MGST1: variants seen among roughly 807,000 people sequenced by gnomAD.
MGST1 encodes the protein glutathione S-transferase 12.
Under a neutral mutation model 8.9 loss-of-function variants are expected in MGST1, and 5 were observed. The ratio of observed to expected loss-of-function variants is 0.56; its 90% CI spans 0.29 to 1.19. The LOEUF is 1.19. MGST1 is among the 50% of genes most tolerant of loss of function. The probability of loss-of-function intolerance (pLI) is 0.08; values close to 1 mark genes in which losing one functional copy is unlikely to be tolerated. For missense variants in MGST1, 182 were observed against 187.4 expected (o/e 0.97, Z 0.17); for synonymous variants, 54 against 67.8 (o/e 0.80, Z 1.00).
chr12:16,589,740 C>T (rs1943432245), downstream of MGST1, among the ~76,000 whole-genome samples: 1 of 152,094 alleles, frequency 6.6e-6, no homozygotes, highest in East Asian at 1.9e-4. This position sits in a 1 kb window ranked among gnomAD's most constrained non-coding sequence, Gnocchi z 4.2. Context: ...CCTTGGAAGA[C>T]GAGGATCACC....
At chr12:16,566,003 T>C (rs1406578073) in intron 4 of MGST1, among the ~76,000 whole-genome samples, 2 of 52,342 alleles carry the variant, frequency 3.8e-5, no homozygotes, top group Non-Finnish European at 7.0e-5. Flanking sequence ...TATATATATA[T>C]ATATATATAT....
intron 4 of MGST1, among the ~76,000 whole-genome samples, chr12:16,502,034 T>G (rs1941508480): frequency 6.6e-6 from 1 of 152,148 alleles, no homozygotes; most frequent in South Asian, 2.1e-4. Context: ...TGAGAAGCAA[T>G]GTCTACAGCT....
intron 4 of MGST1, among the ~76,000 whole-genome samples, chr12:16,477,924 C>G (rs899305227): frequency 3.3e-5 from 5 of 152,220 alleles, no homozygotes; most frequent in African/African-American, 1.2e-4. Context: ...AAAGGGTTCA[C>G]AGTGCAGCGT....
chr12:16,570,820 G>A (rs1942789506), intron 4 of MGST1, among the ~76,000 whole-genome samples: 1 of 152,098 alleles, frequency 6.6e-6, no homozygotes, highest in South Asian at 2.1e-4. Flanking sequence ...CCTTGAATAG[G>A]TAAGGTATTA....
intron 4 of MGST1, among the ~76,000 whole-genome samples, chr12:16,488,700 CAAAAT>C (rs995293001): frequency 2.6e-5 from 4 of 151,782 alleles, no homozygotes; most frequent in African/African-American, 7.3e-5. Flanking sequence ...TATGTAATTT[CAAAAT>C]AAAATAAAAT....
chr12:16,362,098 C>T lies in MGST1; in HGVS notation c.222-1697C>T, dbSNP rs1031292355. On this transcript the variant is annotated intron_variant, in intron 3 of 3. Coordinates refer to ENST00000396210, the MANE Select transcript of MGST1 (RefSeq NM_020300.5). The surrounding 1 kb of genome is among the most constrained non-coding windows in gnomAD (Gnocchi z 4.4). ...GGCATGTTGTGAAGGAGAACACTAA[C>T]GTGCCTAAGATTGGAGGTGACGATA... Among the ~76,000 whole-genome samples, 10 of 152,170 alleles carry T rather than the reference C, an allele frequency of 6.6e-5. No homozygotes were observed. Among genetic ancestry groups the T allele is most frequent in the African/African-American group, 1.7e-4 (7 of 41,446 alleles).
chr12:16,452,403 A>AG, intron 4 of MGST1, among the ~76,000 whole-genome samples: 1 of 151,374 alleles, frequency 6.6e-6, no homozygotes, highest in Non-Finnish European at 1.5e-5. Flanking sequence ...AAGTGGCCAA[A>AG]AAAAAAAAAA....
intron 4 of MGST1, chr12:16,550,091 C>A (rs1007063263): frequency 6.6e-6 from 1 of 152,000 alleles, no homozygotes; most frequent in Non-Finnish European, 1.5e-5. Flanking sequence ...TTCTCTTCTT[C>A]TAGAAGATTC....
At chr12:16,406,095 C>T (rs761099125) in intron 1 of MGST1, among the ~76,000 whole-genome samples, 6 of 152,054 alleles carry the variant, frequency 3.9e-5, no homozygotes, top group Admixed American at 6.6e-5. Flanking sequence ...AAAGGGCATC[C>T]TAATAGAAAG....
intron 4 of MGST1, among the ~76,000 whole-genome samples, chr12:16,578,739 A>G (rs1200076547): frequency 6.6e-6 from 1 of 151,872 alleles, no homozygotes; most frequent in Non-Finnish European, 1.5e-5. Flanking sequence ...AATTCCTTGA[A>G]CCTGGGAGGC....
rs1943361819 is a variant in MGST1 at position 16,587,623 on chromosome 12, T to A, written n.483-1905T>A. On this transcript the variant is annotated intron_variant and non_coding_transcript_variant, in intron 4 of 4. Coordinates refer to the MGST1 transcript ENST00000538857. This position sits in a 1 kb window ranked among gnomAD's most constrained non-coding sequence, Gnocchi z 4.3. ...TATTTCTGTCAGTGTATCATTTTTT[T>A]AAGCAATGGACCCTATAATAGCAAG... 1.3e-5 allele frequency among the ~76,000 whole-genome samples: 2 copies of A among 152,146 alleles called. 1 individual carries two copies. Among genetic ancestry groups the A allele is most frequent in the South Asian group, 4.1e-4 (2 of 4,824 alleles).
Position 16,401,703 on chromosome 12 carries a change from T to C in MGST1, n.778+18099T>C, listed in dbSNP as rs1940656620. ...CTGAATGATAGGAGGGTAACACATTTCCACAGTAGAAGGGTCTGCCCCAGC... is the reference window on the plus strand; with the variant it reads ...CTGAATGATAGGAGGGTAACACATTCCCACAGTAGAAGGGTCTGCCCCAGC... On this transcript the variant is annotated intron_variant and non_coding_transcript_variant, in intron 1 of 1. Transcript: ENST00000359720. The surrounding 1 kb of genome is among the most constrained non-coding windows in gnomAD (Gnocchi z 4.3). 6 of 1,603,508 alleles carry C rather than the reference T, an allele frequency of 3.7e-6. No individual in the cohort carries two copies. In the South Asian group the frequency reaches 5.5e-5, roughly 15 times the overall value.
At chr12:16,539,035 C>G (rs1941776622) in intron 4 of MGST1, among the ~76,000 whole-genome samples, 1 of 152,124 alleles carries the variant, frequency 6.6e-6, no homozygotes, top group Non-Finnish European at 1.5e-5. Context: ...GGGAAACCAC[C>G]CCCATGATTC....
At position 16,585,099 on chromosome 12, in the gene MGST1, G is replaced by A. The variant is rs949023140; in HGVS notation, n.483-4429G>A. ...AATCAGCAACATTAGGCCCACATTC[G>A]TACAGTGTGCTGGAATTAAGTCATG... On this transcript the variant is annotated intron_variant and non_coding_transcript_variant, in intron 4 of 4. Transcript: ENST00000538857. This position sits in a 1 kb window ranked among gnomAD's most constrained non-coding sequence, Gnocchi z 4.7. Among the ~76,000 whole-genome samples the A allele has an allele frequency of 2.0e-5, 3 of 152,098 alleles. No individual in the cohort carries two copies. Among genetic ancestry groups the A allele is most frequent in the South Asian group, 4.1e-4 (2 of 4,828 alleles).
intron 4 of MGST1, among the ~76,000 whole-genome samples, chr12:16,571,750 A>G (rs1376890732): frequency 6.6e-6 from 1 of 152,064 alleles, no homozygotes; most frequent in Non-Finnish European, 1.5e-5. Flanking sequence ...TAATTATAAA[A>G]TTCTGTGATT....
At chr12:16,526,076 T>G (rs1941684461) in intron 4 of MGST1, among the ~76,000 whole-genome samples, 1 of 145,710 alleles carries the variant, frequency 6.9e-6, no homozygotes, top group Non-Finnish European at 1.5e-5. Context: ...TGTGAAAATT[T>G]TCTCCCATTT....
chr12:16,585,683 C>CTAAT lies in MGST1; in HGVS notation n.483-3844_483-3841dup, dbSNP rs1250325944. Among the ~76,000 whole-genome samples, 1 of 152,090 alleles carries CTAAT rather than the reference C, an allele frequency of 6.6e-6. No homozygotes were observed. Among genetic ancestry groups the CTAAT allele is most frequent in the Non-Finnish European group, 1.5e-5 (1 of 68,038 alleles). ...TGATTTCATTTGAATGATGTCAAAA[C>CTAAT]TAATCCTCAGGTGATGTAAGCAGCT... On this transcript the variant is annotated intron_variant and non_coding_transcript_variant, in intron 4 of 4. Coordinates refer to the MGST1 transcript ENST00000538857. The surrounding 1 kb of genome is among the most constrained non-coding windows in gnomAD (Gnocchi z 4.7).
rs1565447565 is a variant in MGST1 at position 16,400,938 on chromosome 12, G to T, written n.778+17334G>T. 4 of 1,317,344 alleles carry T rather than the reference G, an allele frequency of 3.0e-6. No individual in the cohort carries two copies. The East Asian group carries it at 6.9e-5, about 23-fold the overall frequency. 81.6% of individuals were successfully genotyped at this position (1,317,344 alleles called of 1,614,324 possible). A position where few individuals can be genotyped will look rare whatever the true frequency, so the allele number is the denominator to read the frequency against. On this transcript the variant is annotated intron_variant and non_coding_transcript_variant, in intron 1 of 1. Transcript: ENST00000359720. ...TTCTGAATCTCCTGTTCTCCCTTTT[G>T]TTCAGTCAGTCACCTCTTTGCTTCT...
At chr12:16,487,855 ATGTT>A (rs986703469) in intron 4 of MGST1, among the ~76,000 whole-genome samples, 1 of 152,016 alleles carries the variant, frequency 6.6e-6, no homozygotes, top group Admixed American at 6.6e-5. Flanking sequence ...GGGTCTCACT[ATGTT>A]GCCCAGGCTT....
Sources: gnomAD v4.1 joint callset for allele counts (sites outside exome capture counted in the v4.1 genomes callset) on GRCh38, gnomAD v4.1.1 for gene constraint, Gnocchi (gnomAD v3.1) non-coding constraint, MANE v1.5 for transcripts, NCBI Gene and HGNC (gene_info 2026-07-23, HGNC 2026-07-21) for gene names.